Variants in UBE2Q1 observed in about 807,000 individuals in gnomAD.
UBE2Q1 encodes the protein ubiquitin conjugating enzyme E2 Q1.
In UBE2Q1, 6 loss-of-function variants were observed where a neutral mutation model predicts 60.1. That is an observed-to-expected ratio of 0.10 (90% CI 0.05 to 0.20). The LOEUF (loss-of-function observed/expected upper bound fraction) is 0.20, where lower values mean the gene tolerates loss of function less well. Among genes scored for constraint, UBE2Q1 ranks in the 10% least tolerant of loss-of-function variants. UBE2Q1 has a pLI of 1.00. For synonymous variants in UBE2Q1, 226 were observed against 208.3 expected (o/e 1.09, Z -0.73); for missense variants, 262 against 525.8 (o/e 0.50, Z 4.91).
chr1:154,556,948 C>A (rs1466038343), intron 1 of UBE2Q1, among the ~76,000 whole-genome samples: 1 of 152,216 alleles, frequency 6.6e-6, no homozygotes, highest in Non-Finnish European at 1.5e-5. Context: ...TGCCATGACT[C>A]TAATCCTCAA....
At chr1:154,551,135 AC>A in intron 11 of UBE2Q1, 131 bp from the exon 12 acceptor site, 1 of 1,080,018 alleles carries the variant, frequency 9.3e-7, no homozygotes, top group Non-Finnish European at 1.4e-6. Flanking sequence ...AACACTAAGT[AC>A]CCTCCACCTT....
chr1:154,550,386 AG>A lies in UBE2Q1; in HGVS notation c.*51del. On this transcript the variant is annotated 3_prime_UTR_variant, in exon 13 of 13. Transcript: ENST00000292211. ...CGTGAGATCCAAATACAGCATTCAA[AG>A]GTAATTGGTCCAGTGGTGCCTGGGG... 6.2e-7 allele frequency: 1 copy of A among 1,608,966 alleles called. No individual in the cohort carries two copies. The highest frequency in any genetic ancestry group is 8.5e-7 in the Non-Finnish European group (1 of 1,175,818).
chr1:154,551,819 C>T lies in UBE2Q1; in HGVS notation c.1026G>A (p.Gly342=), dbSNP rs569518271. 1.4e-5 allele frequency: 23 copies of T among 1,614,206 alleles called. No homozygotes were observed. In the East Asian group the frequency reaches 2.7e-4, roughly 19 times the overall value. The change falls in exon 10 of 13, where the codon GGG becomes GGA. Residue 342 remains glycine, a splice_region_variant and synonymous_variant. Coordinates refer to ENST00000292211, the MANE Select transcript of UBE2Q1 (RefSeq NM_017582.7). ...VRVVSPVLSG[G]YVLGGGAICM... Reference sequence around the variant, plus strand: ...AGATGGCCCCTCCGCCCAGAACATACCTGCATGAGAAAGGTTAGTCAGCTG... The same window carrying T: ...AGATGGCCCCTCCGCCCAGAACATATCTGCATGAGAAAGGTTAGTCAGCTG...
At chr1:154,554,244 A>G (rs1462026806) in intron 4 of UBE2Q1, among the ~76,000 whole-genome samples, 1 of 152,260 alleles carries the variant, frequency 6.6e-6, no homozygotes, top group Admixed American at 6.5e-5. Flanking sequence ...GTCTAGCTCT[A>G]AAGCTCAAAT....
chr1:154,558,293 G>A lies in UBE2Q1; in HGVS notation c.261C>T (p.Pro87=), dbSNP rs781477813. 1.3e-6 allele frequency: 2 copies of A among 1,583,898 alleles called. No homozygotes were observed. Among genetic ancestry groups the A allele is most frequent in the Non-Finnish European group, 1.7e-6 (2 of 1,168,182 alleles). The part of the protein sequence containing the change: ...GAGGAGAGAA[P]GPHLPPRGSV... ...ACCCCCGTGGGGGGAGATGCGGTCC[G>A]GGCGCGGCCCCCGCCCCGGCCCCTC... is the stretch of plus-strand genomic sequence containing the variant. Residue 87 remains proline, a synonymous_variant, in exon 1 of 13, where the codon CCC becomes CCT. Coordinates refer to ENST00000292211, the MANE Select transcript of UBE2Q1 (RefSeq NM_017582.7).
intron 7 of UBE2Q1, 88 bp from the exon 8 acceptor site, chr1:154,552,271 C>T (rs965429803): frequency 2.1e-5 from 34 of 1,593,134 alleles, no homozygotes; most frequent in Admixed American, 1.0e-4. Flanking sequence ...CAGCAGACCA[C>T]GAAACCACTG....
rs187135748 is a variant in UBE2Q1 at position 154,552,228 on chromosome 1, G to T, written c.876-45C>A. 9.9e-6 allele frequency: 16 copies of T among 1,611,884 alleles called. No homozygotes were observed. The Admixed American group carries it at 1.3e-4, about 13-fold the overall frequency. On this transcript the variant is annotated intron_variant, in intron 7 of 12. Coordinates refer to ENST00000292211, the MANE Select transcript of UBE2Q1 (RefSeq NM_017582.7). The stretch of plus-strand genomic sequence containing the variant: ...GGCTCAGATGCCTGGTTCCACCTCA[G>T]GAGCTTCATAAGGGCTCCCCTGCCC...
chr1:154,558,451 G>A lies in UBE2Q1; in HGVS notation c.103C>T (p.Pro35Ser). 1 of 1,466,578 alleles carries A rather than the reference G, an allele frequency of 6.8e-7. No individual in the cohort carries two copies. The highest frequency in any genetic ancestry group is 9.0e-7 in the Non-Finnish European group (1 of 1,113,098). 90.8% of individuals were successfully genotyped at this position (1,466,578 alleles called of 1,614,324 possible). A position where few individuals can be genotyped will look rare whatever the true frequency, so the allele number is the denominator to read the frequency against. ...PGAGGGPGGGPGPGPCLRREL... is the reference protein window; with the variant it reads ...PGAGGGPGGGSGPGPCLRREL... ...CGCCTCAGGCAGGGCCCCGGCCCCG[G>A]GCCCCCCCCTGGGCCGCCCCCGGCC... is the stretch of plus-strand genomic sequence containing the variant. The change falls in exon 1 of 13, where the codon CCG (proline) becomes TCG (serine). Residue 35 changes from proline (P) to serine (S), a missense_variant. Physicochemically the swap from Pro to Ser is moderately conservative, Grantham distance 74 (BLOSUM62 -1). This residue lies in a region of UBE2Q1 where 70 missense variants were observed against 56.7 expected (regional missense o/e 1.24). Transcript: ENST00000292211.
At chr1:154,558,170 T>A in intron 1 of UBE2Q1, 57 bp downstream of exon 1, 1 of 1,392,922 alleles carries the variant, frequency 7.2e-7, no homozygotes, top group Non-Finnish European at 9.5e-7. Flanking sequence ...CTGGATGGAG[T>A]GATCCTGGGT....
chr1:154,554,610 TA>T, intron 4 of UBE2Q1, 124 bp downstream of exon 4: 1 of 1,017,870 alleles, frequency 9.8e-7, no homozygotes, highest in Middle Eastern at 2.2e-4. Flanking sequence ...TCCAGGTCAG[TA>T]AATCTGTCTT....
chr1:154,558,176 T>C, intron 1 of UBE2Q1, 51 bp downstream of exon 1: 2 of 1,422,754 alleles, frequency 1.4e-6, no homozygotes, highest in Non-Finnish European at 1.9e-6. Context: ...GGAGTGATCC[T>C]GGGTCCCTGA....
At chr1:154,554,856 C>A (rs1321540810) in intron 3 of UBE2Q1, 71 bp from the exon 4 acceptor site, 2 of 1,527,724 alleles carry the variant, frequency 1.3e-6, no homozygotes, top group Non-Finnish European at 1.8e-6. Context: ...CCAACCTACT[C>A]CCCTGAGCCC....
chr1:154,550,361 C>T lies in UBE2Q1; in HGVS notation c.*77G>A, dbSNP rs1313700783. 43 of 1,584,702 alleles carry T rather than the reference C, an allele frequency of 2.7e-5. No homozygotes were observed. The highest frequency in any genetic ancestry group is 1.7e-4 in the Middle Eastern group (1 of 6,014). On this transcript the variant is annotated 3_prime_UTR_variant, in exon 13 of 13. Coordinates refer to ENST00000292211, the MANE Select transcript of UBE2Q1 (RefSeq NM_017582.7). Reference sequence around the variant, plus strand: ...ATGAGGGAGGGAACCACAGAGGCAGCGTGAGATCCAAATACAGCATTCAAA... The same window carrying T: ...ATGAGGGAGGGAACCACAGAGGCAGTGTGAGATCCAAATACAGCATTCAAA...
At chr1:154,555,742 G>T (rs1257679339) in intron 2 of UBE2Q1, 118 bp downstream of exon 2, 17 of 1,006,278 alleles carry the variant, frequency 1.7e-5, no homozygotes, top group Non-Finnish European at 2.6e-5. Context: ...CCCCCGAGAG[G>T]TCATCCCCTA....
intron 1 of UBE2Q1, among the ~76,000 whole-genome samples, chr1:154,556,884 G>A (rs796535165): frequency 1.2e-4 from 18 of 152,326 alleles, no homozygotes; most frequent in African/African-American, 4.1e-4. Context: ...ATTAACTCGA[G>A]GTTCCCACAC....
rs757814009 is a variant in UBE2Q1, at chr1:154,552,476, G to A, written c.815-12C>T. The A allele has an allele frequency of 1.2e-6, 2 of 1,613,392 alleles. No homozygotes were observed. The highest frequency in any genetic ancestry group is 1.7e-6 in the Non-Finnish European group (2 of 1,179,778). ...GACTGCATAGTTTCCTGGAAGGAGG[G>A]AAAAAACAGGTGTTAGTAGAATGGT... On this transcript the variant is annotated splice_polypyrimidine_tract_variant and intron_variant, in intron 6 of 12. Coordinates refer to ENST00000292211, the MANE Select transcript of UBE2Q1 (RefSeq NM_017582.7).
intron 1 of UBE2Q1, among the ~76,000 whole-genome samples, chr1:154,556,332 C>A (rs1695888006): frequency 6.6e-6 from 1 of 152,238 alleles, no homozygotes; most frequent in Admixed American, 6.5e-5. Context: ...GGACCCAGAA[C>A]AGTCCTCCAA....
intron 11 of UBE2Q1, 194 bp from the exon 12 acceptor site, chr1:154,551,198 C>T (rs1327879095): frequency 1.2e-6 from 1 of 845,800 alleles, no homozygotes; most frequent in African/African-American, 1.7e-5. Context: ...AGACCCGAAA[C>T]CTCCCAAAAG....
At chr1:154,555,126 T>TG (rs1695860228) in intron 3 of UBE2Q1, 2 of 549,416 alleles carry the variant, frequency 3.6e-6, no homozygotes, top group East Asian at 6.0e-5. Context: ...CCAAGGGGCC[T>TG]GGGTCCCCAG....
Sources: gnomAD v4.1 joint callset for allele counts (sites outside exome capture counted in the v4.1 genomes callset) on GRCh38, gnomAD v4.1.1 for gene constraint, gnomAD v4.1.1 regional missense constraint, MANE v1.5 for transcripts, NCBI Gene and HGNC (gene_info 2026-07-23, HGNC 2026-07-21) for gene names.